The following TRAPPC12 variants were observed in gnomAD, a reference collection of about 807,000 sequenced individuals.
TRAPPC12 encodes trafficking protein particle complex subunit 12.
A neutral mutation model predicts 69.2 loss-of-function variants in TRAPPC12; 61 were observed. The observed-to-expected ratio is 0.88, with a 90% CI of 0.72 to 1.09. TRAPPC12 has a LOEUF of 1.09. Ranked by LOEUF, TRAPPC12 falls within the 50% of genes least tolerant of loss-of-function variation. TRAPPC12 has a pLI of 0.00. For missense variants in TRAPPC12, 1,101 were observed against 1,016.4 expected (o/e 1.08, Z -1.13); for synonymous variants, 469 against 438.9 (o/e 1.07, Z -0.86).
In TRAPPC12 at chr2:3,388,440, C is replaced by T. The variant is rs199789871; in HGVS notation, c.817C>T (p.Pro273Ser). Residue 273 changes from proline (P) to serine (S), a missense_variant, in exon 2 of 12, where the codon CCC becomes TCC. Transcript: ENST00000324266. The part of the protein sequence containing the change: ...VAMRGPQAAA[P>S]PASPEPFAHI... ...CATGCGAGGGCCCCAGGCAGCTGCG[C>T]CCCCGGCGTCGCCAGAGCCTTTCGC... 5.6e-6 allele frequency: 9 copies of T among 1,607,918 alleles called. No homozygotes were observed. The Admixed American group carries it at 1.2e-4, about 21-fold the overall frequency.
Position 3,477,813 on chromosome 2 carries a change from A to G in TRAPPC12, c.1877+18A>G. 1 of 1,534,220 alleles carries G rather than the reference A, an allele frequency of 6.5e-7. No homozygotes were observed. Among genetic ancestry groups the G allele is most frequent in the African/African-American group, 1.4e-5 (1 of 71,858 alleles). On this transcript the variant is annotated intron_variant, in intron 10 of 11. Coordinates refer to ENST00000324266, the MANE Select transcript of TRAPPC12 (RefSeq NM_016030.6). ...ATGAACAGGTAAATATTTTAAAACT[A>G]AATATATGTTTTCTCAAATTTCCCA...
At chr2:3,403,458 T>C (rs1241347637) in intron 3 of TRAPPC12, among the ~76,000 whole-genome samples, 2 of 152,200 alleles carry the variant, frequency 1.3e-5, no homozygotes, top group African/African-American at 4.8e-5. Context: ...CTTGAACTCC[T>C]GACCTCAGGT....
chr2:3,465,576 G>A (rs377478178), intron 8 of TRAPPC12, 21 bp from the exon 9 acceptor site: 49 of 1,562,180 alleles, frequency 3.1e-5, no homozygotes, highest in Non-Finnish European at 3.9e-5. Context: ...TCTAAAGTAC[G>A]TTGGGTTTTT....
chr2:3,460,160 G>T, intron 7 of TRAPPC12, 103 bp from the exon 8 acceptor site: 1 of 802,496 alleles, frequency 1.2e-6, no homozygotes, highest in South Asian at 1.4e-5. Flanking sequence ...GTTAACAAGA[G>T]GGATCTTTTA....
intron 2 of TRAPPC12, among the ~76,000 whole-genome samples, chr2:3,397,003 G>T (rs9309706): frequency 0.12 from 18,617 of 152,048 alleles, 1,210 homozygotes; most frequent in Middle Eastern, 0.27. Context: ...AGGAAAGAAA[G>T]AAAAGAAAAG....
chr2:3,393,774 C>G (rs1215332231), intron 2 of TRAPPC12, among the ~76,000 whole-genome samples: 1 of 151,664 alleles, frequency 6.6e-6, no homozygotes, highest in African/African-American at 2.4e-5. Flanking sequence ...CTCCAGGGTC[C>G]CAGAAGTTGC....
intron 9 of TRAPPC12, among the ~76,000 whole-genome samples, chr2:3,469,227 T>C (rs1665959566): frequency 6.6e-6 from 1 of 152,222 alleles, no homozygotes; most frequent in South Asian, 2.1e-4. Context: ...ATCTTAATTA[T>C]ACGGTCTCTA....
intron 9 of TRAPPC12, among the ~76,000 whole-genome samples, chr2:3,473,502 C>T (rs900352808): frequency 3.3e-5 from 5 of 152,138 alleles, no homozygotes; most frequent in Non-Finnish European, 7.3e-5. Flanking sequence ...GTTTTTGAGA[C>T]GAGGCCTCGC....
At chr2:3,393,641 CTAAA>C (rs1418812995) in intron 2 of TRAPPC12, among the ~76,000 whole-genome samples, 1 of 149,984 alleles carries the variant, frequency 6.7e-6, no homozygotes, top group Non-Finnish European at 1.5e-5. Flanking sequence ...TATTTGTCAA[CTAAA>C]TATTCTAAAA....
chr2:3,383,743 G>A (rs1660341737), intron 1 of TRAPPC12, among the ~76,000 whole-genome samples: 1 of 151,906 alleles, frequency 6.6e-6, no homozygotes, highest in Non-Finnish European at 1.5e-5. Context: ...GATTGATACT[G>A]TGTCTGTGGT....
chr2:3,398,129 G>C, intron 2 of TRAPPC12, among the ~76,000 whole-genome samples: 1 of 152,344 alleles, frequency 6.6e-6, no homozygotes, highest in South Asian at 2.1e-4. Flanking sequence ...CATTTGGGCT[G>C]TTTCTACCTT....
At chr2:3,415,065 C>G (rs1483163633) in intron 3 of TRAPPC12, among the ~76,000 whole-genome samples, 1 of 152,050 alleles carries the variant, frequency 6.6e-6, no homozygotes, top group East Asian at 1.9e-4. Flanking sequence ...GGAACCGGTC[C>G]CCGGCAGATA....
At chr2:3,478,801 C>T (rs1195446611) in intron 10 of TRAPPC12, 45 bp from the exon 11 acceptor site, 1 of 1,556,094 alleles carries the variant, frequency 6.4e-7, no homozygotes, top group East Asian at 2.2e-5. Context: ...GGGACAGCAG[C>T]TCCTGGGCTT....
chr2:3,466,307 C>T (rs1371773347), intron 9 of TRAPPC12: 1 of 471,216 alleles, frequency 2.1e-6, no homozygotes, highest in East Asian at 6.9e-5. Context: ...GGTCACGTCC[C>T]AAACCTGGGC....
rs189084703 is a variant in TRAPPC12 at position 3,457,913 on chromosome 2, C to T, written c.1603+220C>T. On this transcript the variant is annotated intron_variant, in intron 7 of 11. Coordinates refer to ENST00000324266, the MANE Select transcript of TRAPPC12 (RefSeq NM_016030.6). ...CAGCCTCAGACCCGAACCCTGCGCCCGGGGAGAAGACACGCCTTCACCACA... is the reference window on the plus strand; with the variant it reads ...CAGCCTCAGACCCGAACCCTGCGCCTGGGGAGAAGACACGCCTTCACCACA... The T allele has an allele frequency of 4.0e-5, 56 of 1,408,218 alleles. No individual in the cohort carries two copies. The Admixed American group carries it at 4.9e-4, about 12-fold the overall frequency. 87.2% of individuals were successfully genotyped at this position (1,408,218 alleles called of 1,614,324 possible).
Position 3,421,791 on chromosome 2 carries a change from G to A in TRAPPC12, c.1165-90G>A, listed in dbSNP as rs751583316. 5.1e-6 allele frequency: 6 copies of A among 1,183,650 alleles called. No homozygotes were observed. In the Admixed American group the frequency reaches 7.4e-5, roughly 15 times the overall value. 73.3% of individuals were successfully genotyped at this position (1,183,650 alleles called of 1,614,324 possible). ...GCTGGCGCTGCTTCCAGCAAGGTGA[G>A]CAGCTGTGGCCAGTGGCTATGCGTT... On this transcript the variant is annotated intron_variant, in intron 3 of 11. Transcript: ENST00000324266.
intron 5 of TRAPPC12, among the ~76,000 whole-genome samples, chr2:3,429,843 C>T (rs1663328617): frequency 6.6e-6 from 1 of 152,154 alleles, no homozygotes; most frequent in Non-Finnish European, 1.5e-5. Flanking sequence ...AATACTCGGA[C>T]CATTAACAAA....
In TRAPPC12 at chr2:3,412,078, G is replaced by C. The variant is rs141401921; in HGVS notation, c.1165-9803G>C. On this transcript the variant is annotated intron_variant, in intron 3 of 11. Transcript: ENST00000324266. Reference sequence around the variant, plus strand: ...TTAAGCATTAGTTTATTCTTGTACTGTCTTCTTGTAGTGCTATGAATTTAC... The same window carrying C: ...TTAAGCATTAGTTTATTCTTGTACTCTCTTCTTGTAGTGCTATGAATTTAC... Among the ~76,000 whole-genome samples, 539 of 152,244 alleles carry C rather than the reference G, an allele frequency of 3.5e-3. 2 individuals carry two copies. The highest frequency in any genetic ancestry group is 0.013 in the African/African-American group (521 of 41,522).
chr2:3,478,802 T>C, intron 10 of TRAPPC12, 44 bp from the exon 11 acceptor site: 1 of 1,563,974 alleles, frequency 6.4e-7, no homozygotes, highest in Non-Finnish European at 8.8e-7. Flanking sequence ...GGACAGCAGC[T>C]CCTGGGCTTT....
Sources: allele counts gnomAD v4.1 joint callset (sites outside exome capture counted in the v4.1 genomes callset), GRCh38; gene constraint gnomAD v4.1.1; transcripts MANE v1.5; gene names NCBI Gene and HGNC (gene_info 2026-07-23, HGNC 2026-07-21).